COP1: variants seen among roughly 807,000 people sequenced by gnomAD.
COP1 encodes E3 ubiquitin-protein ligase COP1.
In COP1, 24 loss-of-function variants were observed where a neutral mutation model predicts 101.3. The observed-to-expected ratio is 0.24, with a 90% CI of 0.17 to 0.33. COP1 has a LOEUF of 0.33. Among genes scored for constraint, COP1 ranks in the 10% least tolerant of loss-of-function variants. The pLI, the probability that COP1 is intolerant of heterozygous loss-of-function variation, is 1.00. For synonymous variants in COP1, 347 were observed against 341.9 expected, an observed-to-expected ratio of 1.01 and a Z score of -0.17; for missense variants, 663 against 906.2, an observed-to-expected ratio of 0.73 and a Z score of 3.45.
chr1:176,060,266 T>C (rs1674601492), intron 11 of COP1, among the ~76,000 whole-genome samples: 1 of 152,196 alleles, frequency 6.6e-6, no homozygotes, highest in South Asian at 2.1e-4. Flanking sequence ...TGAAAAACTT[T>C]TGTGAATATC....
Position 175,986,989 on chromosome 1 carries a change from G to T in COP1, c.2087C>A (p.Thr696Lys). 1.2e-6 allele frequency: 2 copies of T among 1,611,146 alleles called. No individual in the cohort carries two copies. The highest frequency in any genetic ancestry group is 1.7e-6 in the Non-Finnish European group (2 of 1,178,934). Residue 696 changes from threonine (T) to lysine (K), a missense_variant, in exon 18 of 20, where the codon ACA becomes AAA. Physicochemically the swap from Thr to Lys is moderately conservative, Grantham distance 78. This residue lies in a region of COP1 where 209 missense variants were observed against 383.3 expected (regional missense o/e 0.55). Coordinates refer to ENST00000367669, the MANE Select transcript of COP1 (RefSeq NM_022457.7). ...GCACACAGCACTAACAAATTCATTT[G>T]TATCATCTTCTTTTCGGTCTTTGTC... ...VLDKDRKEDD[T>K]NEFVSAVCWR...
chr1:176,137,305 C>A (rs936011817), intron 6 of COP1, among the ~76,000 whole-genome samples: 2 of 152,214 alleles, frequency 1.3e-5, no homozygotes, highest in African/African-American at 2.4e-5. Context: ...AAGTTGCCTG[C>A]AAACTATCAT....
chr1:176,097,637 G>T (rs1000298672), intron 9 of COP1, among the ~76,000 whole-genome samples: 1 of 152,064 alleles, frequency 6.6e-6, no homozygotes, highest in African/African-American at 2.4e-5. Context: ...GGGAAGCTGA[G>T]GCAGGTGGAT....
chr1:176,083,185 T>C (rs754769192), intron 10 of COP1, among the ~76,000 whole-genome samples: 7 of 152,224 alleles, frequency 4.6e-5, no homozygotes, highest in Non-Finnish European at 1.0e-4. Flanking sequence ...CTGTGAGTTA[T>C]TTAACATTCT....
intron 5 of COP1, 21 bp from the exon 6 acceptor site, chr1:176,149,095 T>C: frequency 6.7e-7 from 1 of 1,496,544 alleles, no homozygotes; most frequent in Non-Finnish European, 9.1e-7. Flanking sequence ...AAATTATAAT[T>C]TTTCTTTTAA....
intron 10 of COP1, 73 bp downstream of exon 10, chr1:176,085,703 A>T: frequency 1.2e-6 from 1 of 850,240 alleles, no homozygotes. Context: ...ACTTTCCATA[A>T]ATTCAGCACA....
In COP1 at chr1:176,023,129, C is replaced by T. The variant is rs138650062; in HGVS notation, c.1729+4443G>A. 6.2e-3 allele frequency among the ~76,000 whole-genome samples: 943 copies of T among 152,256 alleles called. 12 individuals carry two copies. Among genetic ancestry groups the T allele is most frequent in the African/African-American group, 0.021 (890 of 41,536 alleles). ...AGTGCCACTAGCTGAGAAATAACAG[C>T]TCTCCTGGCCTATCTGATGATGAGC... On this transcript the variant is annotated intron_variant, in intron 15 of 19. Transcript: ENST00000367669.
chr1:176,007,082 G>A (rs909014175), intron 15 of COP1, among the ~76,000 whole-genome samples: 3 of 151,786 alleles, frequency 2.0e-5, no homozygotes, highest in Non-Finnish European at 4.4e-5. Context: ...TTCCCATCTC[G>A]CTTCATTTCA....
chr1:175,993,069 C>T (rs1235891247), intron 15 of COP1, among the ~76,000 whole-genome samples: 1 of 152,162 alleles, frequency 6.6e-6, no homozygotes, highest in Non-Finnish European at 1.5e-5. Context: ...GATCAGAGAA[C>T]AGGACTTGCG....
chr1:176,111,886 T>C (rs1685354464), intron 9 of COP1, among the ~76,000 whole-genome samples: 1 of 152,194 alleles, frequency 6.6e-6, no homozygotes, highest in African/African-American at 2.4e-5. Context: ...ATGTATCATG[T>C]CAGCTCCATC....
intron 5 of COP1, among the ~76,000 whole-genome samples, chr1:176,161,792 G>A (rs1470482588): frequency 2.0e-5 from 3 of 152,058 alleles, no homozygotes; most frequent in Middle Eastern, 3.4e-3. Flanking sequence ...CCATTTACCC[G>A]ACCTCCCAAA....
chr1:176,031,294 T>C (rs917827589), intron 14 of COP1, among the ~76,000 whole-genome samples: 1 of 152,178 alleles, frequency 6.6e-6, no homozygotes, highest in East Asian at 1.9e-4. Flanking sequence ...GATCGAAAGA[T>C]AAAATAGTAT....
At chr1:176,181,336 A>T (rs1697719315) in intron 2 of COP1, among the ~76,000 whole-genome samples, 1 of 152,116 alleles carries the variant, frequency 6.6e-6, no homozygotes, top group African/African-American at 2.4e-5. Context: ...GAAAGTTGAC[A>T]CAAGAGGCTA....
chr1:176,035,709 C>T (rs1231449503), intron 14 of COP1, among the ~76,000 whole-genome samples: 2 of 27,658 alleles, frequency 7.2e-5, no homozygotes, highest in Non-Finnish European at 9.1e-5. Context: ...TAAAACGAGA[C>T]CAAAAAAAAA....
intron 8 of COP1, among the ~76,000 whole-genome samples, chr1:176,118,651 GA>G (rs1378481739): frequency 6.6e-6 from 1 of 152,160 alleles, no homozygotes; most frequent in African/African-American, 2.4e-5. Context: ...AGCTACTCAG[GA>G]GGGTGAGGTA....
chr1:176,063,450 G>T (rs1675347190), intron 11 of COP1, among the ~76,000 whole-genome samples: 2 of 152,124 alleles, frequency 1.3e-5, no homozygotes, highest in Admixed American at 1.3e-4. Flanking sequence ...TTCAGTAAAG[G>T]TGATTTTAAA....
intron 9 of COP1, among the ~76,000 whole-genome samples, chr1:176,114,643 AC>A (rs1487095749): frequency 6.6e-6 from 1 of 151,916 alleles, no homozygotes; most frequent in Non-Finnish European, 1.5e-5. Context: ...GCTGGAGTAC[AC>A]TGGCATGATC....
chr1:175,977,725 T>A (rs1021912357), intron 18 of COP1, among the ~76,000 whole-genome samples: 26 of 152,144 alleles, frequency 1.7e-4, no homozygotes, highest in African/African-American at 6.0e-4. Flanking sequence ...AAAAACCTTT[T>A]TTCTTAAGCA....
intron 15 of COP1, among the ~76,000 whole-genome samples, chr1:175,995,671 C>T (rs1659951659): frequency 6.6e-6 from 1 of 152,206 alleles, no homozygotes; most frequent in African/African-American, 2.4e-5. Flanking sequence ...TTCCTCGACA[C>T]ATACACCCTC....
Sources: gnomAD v4.1 joint callset for allele counts (sites outside exome capture counted in the v4.1 genomes callset) on GRCh38, gnomAD v4.1.1 for gene constraint, gnomAD v4.1.1 regional missense constraint, MANE v1.5 for transcripts, NCBI Gene and HGNC (gene_info 2026-07-23, HGNC 2026-07-21) for gene names.